The following TOX2 variants were observed in gnomAD, a reference collection of about 807,000 sequenced individuals.
TOX2 encodes granulosa cell HMG box 1.
Under a neutral mutation model 47.4 loss-of-function variants are expected in TOX2, and 15 were observed. The ratio of observed to expected loss-of-function variants is 0.32; its 90% confidence interval spans 0.21 to 0.49. The LOEUF is 0.49. Among genes scored for constraint, TOX2 ranks in the 20% least tolerant of loss-of-function variants. The probability of loss-of-function intolerance (pLI) is 0.99; values close to 1 mark genes in which losing one functional copy is unlikely to be tolerated. For synonymous variants in TOX2, 290 were observed against 296.6 expected (o/e 0.98, Z 0.23); for missense variants, 622 against 673.1 (o/e 0.92, Z 0.84).
chr20:43,932,265 C>T (rs79270110), intron 1 of TOX2, among the ~76,000 whole-genome samples: 3,191 of 152,298 alleles, frequency 0.021, 169 homozygotes, highest in Admixed American at 0.12. Context: ...TTATTACCTT[C>T]GGAACACCCT....
intron 3 of TOX2, among the ~76,000 whole-genome samples, chr20:44,031,970 C>T (rs779658071): frequency 2.0e-5 from 3 of 151,998 alleles, no homozygotes; most frequent in South Asian, 2.1e-4. Context: ...GCAGGGGGAG[C>T]GAGATAATAA....
chr20:43,994,010 GA>G (rs2070418951), intron 2 of TOX2, among the ~76,000 whole-genome samples: 1 of 151,956 alleles, frequency 6.6e-6, no homozygotes, highest in Admixed American at 6.6e-5. Flanking sequence ...AAAATAGTAG[GA>G]CATGGTGGCA....
chr20:44,035,135 C>G (rs2071218872), intron 3 of TOX2, among the ~76,000 whole-genome samples: 1 of 152,236 alleles, frequency 6.6e-6, no homozygotes, highest in African/African-American at 2.4e-5. Flanking sequence ...TCTGGGACCT[C>G]TTGTCTCCTC....
intron 1 of TOX2, among the ~76,000 whole-genome samples, chr20:43,970,483 C>G (rs1205872492): frequency 6.6e-6 from 1 of 152,164 alleles, no homozygotes; most frequent in African/African-American, 2.4e-5. Context: ...TTTTGGACAT[C>G]TTTCCCTCTG....
chr20:44,025,152 T>TA, intron 3 of TOX2, among the ~76,000 whole-genome samples: 1 of 152,274 alleles, frequency 6.6e-6, no homozygotes, highest in East Asian at 1.9e-4. Flanking sequence ...AAGGATTTTT[T>TA]AAAAAATTTT....
intron 1 of TOX2, among the ~76,000 whole-genome samples, chr20:43,945,212 A>T (rs1356053980): frequency 6.6e-6 from 1 of 152,266 alleles, no homozygotes; most frequent in Non-Finnish European, 1.5e-5. Context: ...CCCTAGTGTA[A>T]CTGCTATTAA....
rs935283657 is a variant in TOX2 at position 44,066,091 on chromosome 20, C to T, written c.1340C>T (p.Ser447Leu). Residue 447 changes from serine to leucine, a missense_variant, in exon 7 of 9, where the codon TCA becomes TTA. Ser to Leu is a moderately radical substitution (Grantham distance 145). Coordinates refer to ENST00000341197, the MANE Select transcript of TOX2 (RefSeq NM_001098797.2). ...ALQVQLAMSP[S>L]PPGPQDFPHI... Reference sequence around the variant, plus strand: ...CAGGTGCAGCTGGCGATGAGCCCCTCACCTCCAGGGCCACAGGTAAGCAGG... The same window carrying T: ...CAGGTGCAGCTGGCGATGAGCCCCTTACCTCCAGGGCCACAGGTAAGCAGG... 6 of 1,558,924 alleles carry T rather than the reference C, an allele frequency of 3.8e-6. No individual in the cohort carries two copies. Among genetic ancestry groups the T allele is most frequent in the Non-Finnish European group, 4.3e-6 (5 of 1,152,746 alleles).
intron 1 of TOX2, among the ~76,000 whole-genome samples, chr20:43,952,913 G>A (rs954432861): frequency 2.0e-5 from 3 of 152,138 alleles, no homozygotes; most frequent in African/African-American, 7.2e-5. Flanking sequence ...CTCTGCAGAT[G>A]TGATTAAGGG....
chr20:43,959,324 C>G (rs924691047), intron 1 of TOX2, among the ~76,000 whole-genome samples: 26 of 152,168 alleles, frequency 1.7e-4, no homozygotes, highest in African/African-American at 5.8e-4. Context: ...CTCGCAGCTC[C>G]CAGTCCAAAG....
intron 3 of TOX2, among the ~76,000 whole-genome samples, chr20:44,034,064 T>C (rs973058245): frequency 1.3e-5 from 2 of 152,204 alleles, no homozygotes; most frequent in African/African-American, 4.8e-5. Context: ...AGCCTCTGGA[T>C]ACCCCTTTAT....
rs976199307 is a variant in TOX2, at chr20:44,066,021, T to A, written c.1270T>A (p.Ser424Thr). 3 of 1,609,126 alleles carry A rather than the reference T, an allele frequency of 1.9e-6. No homozygotes were observed. Among genetic ancestry groups the A allele is most frequent in the Non-Finnish European group, 2.5e-6 (3 of 1,178,326 alleles). ...CCTCCTCAGTCCACCTGTTAGCATG[T>A]CCCCAGCCCCCCAGCCCCCTGTCCT... is the stretch of plus-strand genomic sequence containing the variant. ...GALLSPPVSM[S>T]PAPQPPVLPT... The change falls in exon 7 of 9, where the codon TCC becomes ACC. Residue 424 changes from serine (S) to threonine (T), a missense_variant. Ser to Thr is a moderately conservative substitution (Grantham distance 58, BLOSUM62 1). This residue lies in a region of TOX2 where 294 missense variants were observed against 300.0 expected (regional missense o/e 0.98). Coordinates refer to ENST00000341197, the MANE Select transcript of TOX2 (RefSeq NM_001098797.2).
intron 3 of TOX2, among the ~76,000 whole-genome samples, chr20:44,020,352 G>A (rs376595808): frequency 1.3e-5 from 2 of 152,158 alleles, no homozygotes; most frequent in Admixed American, 6.5e-5. Flanking sequence ...TAATGCATGC[G>A]GGGCTCAAAA....
intron 2 of TOX2, among the ~76,000 whole-genome samples, chr20:43,982,759 G>T (rs950549735): frequency 6.6e-6 from 1 of 151,820 alleles, no homozygotes; most frequent in African/African-American, 2.4e-5. Flanking sequence ...TGAGGGGCTG[G>T]ATGCTGATGG....
At chr20:44,057,209 C>T (rs1259674018) in intron 5 of TOX2, among the ~76,000 whole-genome samples, 1 of 152,200 alleles carries the variant, frequency 6.6e-6, no homozygotes, top group East Asian at 1.9e-4. Flanking sequence ...GCATGAGCCA[C>T]TATATCCAGC....
chr20:43,997,775 C>A (rs2070505176), intron 2 of TOX2, among the ~76,000 whole-genome samples: 1 of 152,136 alleles, frequency 6.6e-6, no homozygotes, highest in South Asian at 2.1e-4. Context: ...CATTGTCCAT[C>A]TCTCATAAGT....
intron 3 of TOX2, chr20:44,039,014 G>A (rs2071287475): frequency 3.3e-6 from 4 of 1,216,900 alleles, no homozygotes; most frequent in Non-Finnish European, 4.2e-6. Flanking sequence ...GTTTCCAAGA[G>A]GGAAGCAGGA....
intron 1 of TOX2, among the ~76,000 whole-genome samples, chr20:43,965,574 G>A (rs979757636): frequency 6.6e-6 from 1 of 152,272 alleles, no homozygotes; most frequent in Admixed American, 6.5e-5. Flanking sequence ...GTGCCTTTGT[G>A]ATGATCTATT....
intron 3 of TOX2, among the ~76,000 whole-genome samples, chr20:44,037,277 G>T (rs924782862): frequency 6.6e-6 from 1 of 152,190 alleles, no homozygotes; most frequent in East Asian, 1.9e-4. Context: ...TCTTAGCCCA[G>T]TTGAGGTGCA....
At chr20:43,932,524 C>T (rs367712616) in intron 1 of TOX2, among the ~76,000 whole-genome samples, 43 of 152,242 alleles carry the variant, frequency 2.8e-4, no homozygotes, top group Middle Eastern at 3.4e-3. Context: ...AAAGGTGAAC[C>T]GCTTCCCTCC....
Sources: gnomAD v4.1 joint callset for allele counts (sites outside exome capture counted in the v4.1 genomes callset) on GRCh38, gnomAD v4.1.1 for gene constraint, gnomAD v4.1.1 regional missense constraint, MANE v1.5 for transcripts, NCBI Gene and HGNC (gene_info 2026-07-23, HGNC 2026-07-21) for gene names.